TXNRD1: variants seen among roughly 807,000 people sequenced by gnomAD.
TXNRD1 encodes the protein thioredoxin reductase 1, cytoplasmic.
TXNRD1 carries 57 observed loss-of-function variants against 80.3 expected under a neutral mutation model. That is an observed-to-expected ratio of 0.71 (90% CI 0.57 to 0.89). The LOEUF (loss-of-function observed/expected upper bound fraction) is 0.89. Ranked by LOEUF, TXNRD1 falls within the 40% of genes least tolerant of loss-of-function variation. TXNRD1 has a pLI of 0.00. For synonymous variants in TXNRD1, 291 were observed against 285.2 expected (o/e 1.02, Z -0.20); for missense variants, 730 against 803.0 (o/e 0.91, Z 1.10).
chr12:104,233,835 A>G (rs2032677255), intron 1 of TXNRD1, among the ~76,000 whole-genome samples: 1 of 151,990 alleles, frequency 6.6e-6, no homozygotes, highest in Non-Finnish European at 1.5e-5. Context: ...TTACTGAATT[A>G]TTTAGGGCCG....
At chr12:104,320,156 G>A (rs1328451273) in intron 9 of TXNRD1, among the ~76,000 whole-genome samples, 3 of 152,168 alleles carry the variant, frequency 2.0e-5, no homozygotes, top group Admixed American at 1.3e-4. Flanking sequence ...ATTTTTGCCC[G>A]TCAAATGGTA....
chr12:104,223,674 C>G (rs2032404625), intron 1 of TXNRD1, among the ~76,000 whole-genome samples: 1 of 152,060 alleles, frequency 6.6e-6, no homozygotes, highest in Admixed American at 6.6e-5. Context: ...CCAGTTGAAG[C>G]AGAATAAAAG....
At chr12:104,241,827 A>G (rs1415969213) in intron 1 of TXNRD1, among the ~76,000 whole-genome samples, 1 of 151,776 alleles carries the variant, frequency 6.6e-6, no homozygotes, top group African/African-American at 2.4e-5. Flanking sequence ...GTGAGCCACC[A>G]TGCTCAGTGA....
At chr12:104,278,791 G>A (rs926343261) in intron 3 of TXNRD1, among the ~76,000 whole-genome samples, 4 of 152,134 alleles carry the variant, frequency 2.6e-5, no homozygotes, top group Admixed American at 6.5e-5. Flanking sequence ...GTGAGCCACC[G>A]CACCCAGCCT....
intron 3 of TXNRD1, among the ~76,000 whole-genome samples, chr12:104,264,179 C>A (rs192121016): frequency 6.6e-5 from 10 of 152,364 alleles, no homozygotes; most frequent in Admixed American, 5.9e-4. Context: ...GAGTAAGGCA[C>A]AACCTCATTC....
chr12:104,248,262 AAT>A (rs1041634455), intron 1 of TXNRD1, among the ~76,000 whole-genome samples: 1 of 150,320 alleles, frequency 6.7e-6, no homozygotes, highest in African/African-American at 2.5e-5. Flanking sequence ...TACACACATA[AAT>A]ATGTTTGTTT....
At position 104,231,879 on chromosome 12, in the gene TXNRD1, G is replaced by C. The variant is rs2032632808; in HGVS notation, c.91+15986G>C. 2.0e-5 allele frequency among the ~76,000 whole-genome samples: 3 copies of C among 152,100 alleles called. No homozygotes were observed. In the South Asian group the frequency reaches 6.2e-4, roughly 32 times the overall value. ...CCACTTGGTCCACAGGAATAAGCAG[G>C]GTTAGTTTAAAATGTAGGCAAAAAG... On this transcript the variant is annotated intron_variant, in intron 1 of 16. Transcript: ENST00000525566.
At chr12:104,255,821 GC>G (rs1460851097) in intron 2 of TXNRD1, among the ~76,000 whole-genome samples, 2 of 152,102 alleles carry the variant, frequency 1.3e-5, no homozygotes, top group Non-Finnish European at 2.9e-5. Flanking sequence ...AGTCATCCTG[GC>G]AAATTTATTT....
chr12:104,288,863 G>A lies in TXNRD1; in HGVS notation c.305-68G>A, dbSNP rs776834220. ...GGCCGGGACGGAAGCCCCGCCCCCG[G>A]CGCAGTTCCCGCCTGTTAGCGGGGG... On this transcript the variant is annotated intron_variant, in intron 3 of 16. Transcript: ENST00000525566. 6.8e-6 allele frequency: 11 copies of A among 1,613,054 alleles called. No homozygotes were observed. In the South Asian group the frequency reaches 1.1e-4, roughly 16 times the overall value.
chr12:104,309,904 C>T (rs769054273), intron 4 of TXNRD1: 2 of 1,536,060 alleles, frequency 1.3e-6, no homozygotes, highest in Admixed American at 2.0e-5. Context: ...CAGGTGTTCT[C>T]CCTTCAGTCC....
At chr12:104,268,179 C>CTCTT (rs916202781) in intron 3 of TXNRD1, among the ~76,000 whole-genome samples, 2 of 130,838 alleles carry the variant, frequency 1.5e-5, no homozygotes. Flanking sequence ...CTCTGTCTCT[C>CTCTT]TCTTTCTTTC....
rs560409726 is a variant in TXNRD1 at position 104,260,359 on chromosome 12, C to T, written c.304+2280C>T. ...GCTCATGCCTGTAATCCCAGCTATTCGGGAGGTTGAGGCAGGAGAATTGCT... is the reference window on the plus strand; with the variant it reads ...GCTCATGCCTGTAATCCCAGCTATTTGGGAGGTTGAGGCAGGAGAATTGCT... On this transcript the variant is annotated intron_variant, in intron 3 of 16. Transcript: ENST00000525566. Among the ~76,000 whole-genome samples, 66 of 152,046 alleles carry T rather than the reference C, an allele frequency of 4.3e-4. 1 individual carries two copies. The Middle Eastern group carries it at 0.01, about 24-fold the overall frequency.
chr12:104,268,201 A>T (rs1046659476), intron 3 of TXNRD1, among the ~76,000 whole-genome samples: 2 of 147,092 alleles, frequency 1.4e-5, no homozygotes, highest in Admixed American at 6.8e-5. Context: ...TTTATTTTTT[A>T]TTTTTATTTT....
intron 6 of TXNRD1, among the ~76,000 whole-genome samples, chr12:104,314,808 C>T (rs2035266066): frequency 7.3e-6 from 1 of 136,282 alleles, no homozygotes; most frequent in Admixed American, 8.4e-5. Context: ...GTGGCGCTAT[C>T]TCGGCTCACT....
At chr12:104,299,692 G>A (rs553542134) in intron 4 of TXNRD1, among the ~76,000 whole-genome samples, 3 of 151,684 alleles carry the variant, frequency 2.0e-5, no homozygotes, top group African/African-American at 4.8e-5. Context: ...ACTTGAGTCC[G>A]GGGGGTGTAG....
Position 104,321,183 on chromosome 12 carries a change from G to T in TXNRD1, c.1082G>T (p.Gly361Val). ...VALECAGFLA[G>V]IGLDVTVMVR... ...TTGGAGTGCGCTGGATTTCTTGCTG[G>T]TATTGGTTTAGACGTCACTGTTATG... is the stretch of plus-strand genomic sequence containing the variant. Residue 361 changes from glycine to valine, a missense_variant, in exon 10 of 17, where the codon GGT (glycine) becomes GTT (valine). Transcript: ENST00000525566. The T allele has an allele frequency of 6.2e-7, 1 of 1,613,442 alleles. No homozygotes were observed. The highest frequency in any genetic ancestry group is 1.1e-5 in the South Asian group (1 of 91,062).
intron 2 of TXNRD1, among the ~76,000 whole-genome samples, chr12:104,256,971 CTTTTCT>C (rs1412899589): frequency 4.4e-5 from 4 of 89,904 alleles, no homozygotes; most frequent in Non-Finnish European, 4.8e-5. Flanking sequence ...AATATATTTT[CTTTTCT>C]TTTTTTTTTT....
At chr12:104,258,611 G>C (rs904155466) in intron 3 of TXNRD1, among the ~76,000 whole-genome samples, 1 of 152,052 alleles carries the variant, frequency 6.6e-6, no homozygotes, top group Non-Finnish European at 1.5e-5. Context: ...AAATCCCAAG[G>C]GCTCACAGAC....
chr12:104,265,312 A>T, intron 3 of TXNRD1: 1 of 1,606,430 alleles, frequency 6.2e-7, no homozygotes, highest in Non-Finnish European at 8.5e-7. Context: ...GCACGCCATG[A>T]AGGCCTCGGG....
Sources: gnomAD v4.1 joint callset for allele counts (sites outside exome capture counted in the v4.1 genomes callset) on GRCh38, gnomAD v4.1.1 for gene constraint, MANE v1.5 for transcripts, NCBI Gene and HGNC (gene_info 2026-07-23, HGNC 2026-07-21) for gene names.